NELL1: variants seen among roughly 807,000 people sequenced by gnomAD.
The protein encoded by NELL1 is protein kinase C-binding protein NELL1.
Under a neutral mutation model 107.4 loss-of-function variants are expected in NELL1, and 76 were observed. That is an observed-to-expected ratio of 0.71 (90% CI 0.59 to 0.86). The LOEUF (loss-of-function observed/expected upper bound fraction) is 0.86. Among genes scored for constraint, NELL1 ranks in the 40% least tolerant of loss-of-function variants. NELL1 has a pLI of 0.00. For synonymous variants in NELL1, 353 were observed against 341.2 expected (o/e 1.03, Z -0.38); for missense variants, 1,024 against 1,005.5 (o/e 1.02, Z -0.25).
chr11:20,925,436 G>A (rs938684952), intron 7 of NELL1, among the ~76,000 whole-genome samples: 2 of 133,558 alleles, frequency 1.5e-5, no homozygotes, highest in African/African-American at 2.8e-5. Context: ...TACCACACCC[G>A]GCTTTTTTTT....
At chr11:20,674,485 A>G in intron 1 of NELL1, 1 of 1,535,912 alleles carries the variant, frequency 6.5e-7, no homozygotes, top group Non-Finnish European at 8.7e-7. Flanking sequence ...GAAATTTCCT[A>G]CAGCAGAAGA....
intron 13 of NELL1, among the ~76,000 whole-genome samples, chr11:21,219,122 C>T (rs894393644): frequency 6.6e-6 from 1 of 152,132 alleles, no homozygotes; most frequent in Admixed American, 6.5e-5. Flanking sequence ...TCTCTTTTCT[C>T]TCCGTCCGCA....
At chr11:21,437,647 C>A (rs1334747107) in intron 15 of NELL1, among the ~76,000 whole-genome samples, 1 of 152,254 alleles carries the variant, frequency 6.6e-6, no homozygotes, top group African/African-American at 2.4e-5. Flanking sequence ...GCATGGGCCA[C>A]TGTGCCTGGC....
chr11:21,241,949 G>C (rs556792475), intron 14 of NELL1, among the ~76,000 whole-genome samples: 1 of 139,150 alleles, frequency 7.2e-6, no homozygotes, highest in African/African-American at 2.6e-5. Context: ...ACAGCTAGAC[G>C]TTTACTTCCA....
At position 21,203,798 on chromosome 11, in the gene NELL1, C is replaced by T. The variant is rs182919318; in HGVS notation, c.1427-25534C>T. Reference sequence around the variant, plus strand: ...CTTCCTTCAGGAACTCTTGTAAGGCCGGTCTGGTGGTGACAAAATCTGTCA... The same window carrying T: ...CTTCCTTCAGGAACTCTTGTAAGGCTGGTCTGGTGGTGACAAAATCTGTCA... On this transcript the variant is annotated intron_variant, in intron 13 of 19. Coordinates refer to ENST00000357134, the MANE Select transcript of NELL1 (RefSeq NM_006157.5). Among the ~76,000 whole-genome samples the T allele has an allele frequency of 2.1e-3, 327 of 152,130 alleles. 1 individual carries two copies. Among genetic ancestry groups the T allele is most frequent in the Non-Finnish European group, 3.6e-3 (242 of 67,992 alleles).
intron 16 of NELL1, among the ~76,000 whole-genome samples, chr11:21,555,582 A>G (rs1477782410): frequency 6.6e-6 from 1 of 151,916 alleles, no homozygotes; most frequent in Non-Finnish European, 1.5e-5. Flanking sequence ...TAAGAAAATT[A>G]TACACCAAAC....
At chr11:21,525,279 C>T (rs1282639834) in intron 15 of NELL1, among the ~76,000 whole-genome samples, 1 of 152,094 alleles carries the variant, frequency 6.6e-6, no homozygotes, top group Non-Finnish European at 1.5e-5. Context: ...TAGCAGGTAC[C>T]TTTCAGATTA....
intron 4 of NELL1, among the ~76,000 whole-genome samples, chr11:20,856,836 G>T (rs75606550): frequency 6.6e-6 from 1 of 152,332 alleles, no homozygotes; most frequent in East Asian, 1.9e-4. Flanking sequence ...TTTCTCTAGA[G>T]ATGATTGATA....
chr11:20,993,683 A>C (rs1767561399), intron 12 of NELL1, among the ~76,000 whole-genome samples: 1 of 152,220 alleles, frequency 6.6e-6, no homozygotes, highest in Admixed American at 6.5e-5. Flanking sequence ...GATTACTGAT[A>C]ATACTTAATA....
chr11:21,500,594 A>G (rs1457334908), intron 15 of NELL1, among the ~76,000 whole-genome samples: 4 of 152,056 alleles, frequency 2.6e-5, no homozygotes, highest in Non-Finnish European at 5.9e-5. Flanking sequence ...ATCTGTATAC[A>G]TTTTATTTTC....
chr11:21,260,996 A>C (rs1364334764), intron 14 of NELL1, among the ~76,000 whole-genome samples: 1 of 151,748 alleles, frequency 6.6e-6, no homozygotes, highest in Admixed American at 6.6e-5. Context: ...AGTGGAGGTA[A>C]TATTAAAGAA....
At chr11:21,255,742 G>A (rs1858751977) in intron 14 of NELL1, among the ~76,000 whole-genome samples, 1 of 151,764 alleles carries the variant, frequency 6.6e-6, no homozygotes, top group Admixed American at 6.6e-5. Flanking sequence ...TAAAGTTTCA[G>A]ACATACCCAA....
chr11:20,947,359 A>G lies in NELL1; in HGVS notation c.1095A>G (p.Thr365=), dbSNP rs774954776. 4 of 1,614,008 alleles carry G rather than the reference A, an allele frequency of 2.5e-6. No individual in the cohort carries two copies. Among genetic ancestry groups the G allele is most frequent in the East Asian group, 4.5e-5 (2 of 44,888 alleles). Residue 365 remains threonine, a synonymous_variant, in exon 11 of 20, where the codon ACA becomes ACG. Coordinates refer to ENST00000357134, the MANE Select transcript of NELL1 (RefSeq NM_006157.5). The part of the protein sequence containing the change: ...ECRGGVLVKI[T]EMCPPLNCSE... The stretch of plus-strand genomic sequence containing the variant: ...AGGGTGGAGTTTTAGTAAAAATTAC[A>G]GAAATGTGTCCTCCTTTGAACTGCT...
chr11:20,731,456 C>T (rs533512147), intron 2 of NELL1, among the ~76,000 whole-genome samples: 5 of 152,228 alleles, frequency 3.3e-5, no homozygotes, highest in Admixed American at 1.3e-4. Flanking sequence ...TTAGAGGGGG[C>T]GTCACTGTGA....
intron 2 of NELL1, among the ~76,000 whole-genome samples, chr11:20,729,628 T>C (rs571754801): frequency 6.6e-6 from 1 of 152,300 alleles, no homozygotes; most frequent in Non-Finnish European, 1.5e-5. Flanking sequence ...GTTGATAGAT[T>C]GCTAGTTTAA....
chr11:21,552,147 GGA>G (rs1186004653), intron 16 of NELL1, among the ~76,000 whole-genome samples: 12 of 108,350 alleles, frequency 1.1e-4, no homozygotes, highest in African/African-American at 4.0e-4. Flanking sequence ...TGGGGTGGGG[GGA>G]GGGGGGAGGG....
intron 2 of NELL1, among the ~76,000 whole-genome samples, chr11:20,690,224 C>T (rs1854425594): frequency 1.3e-5 from 2 of 152,000 alleles, no homozygotes; most frequent in African/African-American, 2.4e-5. Flanking sequence ...TTCTCCCATT[C>T]TGTAGGTTGC....
chr11:21,545,602 T>C (rs1856421947), intron 16 of NELL1, among the ~76,000 whole-genome samples: 1 of 152,040 alleles, frequency 6.6e-6, no homozygotes, highest in African/African-American at 2.4e-5. Context: ...AGAAGCTTTT[T>C]AGTTTTCTGA....
At chr11:21,567,909 C>G (rs934298437) in intron 17 of NELL1, among the ~76,000 whole-genome samples, 1 of 151,800 alleles carries the variant, frequency 6.6e-6, no homozygotes, top group African/African-American at 2.4e-5. Context: ...TGCCCCTAAA[C>G]AGCCAACTGC....
Sources: gnomAD v4.1 joint callset for allele counts (sites outside exome capture counted in the v4.1 genomes callset) on GRCh38, gnomAD v4.1.1 for gene constraint, MANE v1.5 for transcripts, NCBI Gene and HGNC (gene_info 2026-07-23, HGNC 2026-07-21) for gene names.